The following SLC5A10 variants were observed in gnomAD, a reference collection of about 807,000 sequenced individuals.
SLC5A10 encodes the protein solute carrier family 5 member 10.
Under a neutral mutation model 68.9 loss-of-function variants are expected in SLC5A10, and 55 were observed. That is an observed-to-expected ratio of 0.80 (90% CI 0.64 to 1.00). The LOEUF is 1.00. Among genes scored for constraint, SLC5A10 ranks in the 50% least tolerant of loss-of-function variants. The probability of loss-of-function intolerance (pLI) is 0.00; values close to 1 mark genes in which losing one functional copy is unlikely to be tolerated. For missense variants in SLC5A10, 732 were observed against 819.3 expected, an observed-to-expected ratio of 0.89 and a Z score of 1.30; for synonymous variants, 344 against 344.8, an observed-to-expected ratio of 1.00 and a Z score of 0.02.
rs150430029 is a variant in SLC5A10 at position 18,997,254 on chromosome 17, G to C, written c.983-16156G>C. Among the ~76,000 whole-genome samples the C allele has an allele frequency of 6.9e-4, 105 of 152,338 alleles. 2 individuals are homozygous for C. The East Asian group carries it at 0.011, about 16-fold the overall frequency. On this transcript the variant is annotated intron_variant, in intron 9 of 14. Transcript: ENST00000395645. ...TACCCTGAGTCTCCTACCTCCCCCA[G>C]ACGGACATCAGCTTCCTGGTCATGG...
intron 5 of SLC5A10, among the ~76,000 whole-genome samples, chr17:18,964,525 G>A (rs966801749): frequency 6.6e-6 from 1 of 152,356 alleles, no homozygotes; most frequent in African/African-American, 2.4e-5. Context: ...TAGACAGGGG[G>A]TAAGGAAACA....
upstream of SLC5A10, chr17:18,952,024 T>G: frequency 4.8e-5 from 45 of 935,888 alleles, no homozygotes; most frequent in East Asian, 6.0e-5. Flanking sequence ...CACCCCACCA[T>G]GGGGTGAGGA....
intron 9 of SLC5A10, among the ~76,000 whole-genome samples, chr17:19,012,062 C>A (rs539974323): frequency 6.6e-6 from 1 of 152,110 alleles, no homozygotes; most frequent in Non-Finnish European, 1.5e-5. Context: ...TGAACTCCCC[C>A]GTAATCATCA....
intron 9 of SLC5A10, among the ~76,000 whole-genome samples, chr17:18,980,216 C>T (rs923035808): frequency 6.6e-6 from 1 of 152,170 alleles, no homozygotes; most frequent in Non-Finnish European, 1.5e-5. Context: ...CTTCTCAACA[C>T]CCCTGTCTCT....
At chr17:18,951,980 C>A, upstream of SLC5A10, 1 of 551,484 alleles carries the variant, frequency 1.8e-6, no homozygotes, top group Non-Finnish European at 2.9e-6. Flanking sequence ...ACTTGCTTCT[C>A]CCAGGCTCCC....
rs939895398 is a variant in SLC5A10 at position 18,971,930 on chromosome 17, TAATATGGG to T, written c.846+717_846+724del. Among the ~76,000 whole-genome samples, 28 of 152,288 alleles carry T rather than the reference TAATATGGG, an allele frequency of 1.8e-4. No homozygotes were observed. The highest frequency in any genetic ancestry group is 6.7e-4 in the African/African-American group (28 of 41,562). ...CTCGATGCCTCAGTTCCCCTGTCTG[TAATATGGG>T]AATAATCCTGCCCTTTGTGGGTGTA... is the stretch of plus-strand genomic sequence containing the variant. On this transcript the variant is annotated intron_variant, in intron 8 of 14. Transcript: ENST00000395645. The surrounding 1 kb of genome is among the most constrained non-coding windows in gnomAD (Gnocchi z 5.5).
At position 19,021,520 on chromosome 17, in the gene SLC5A10, G is replaced by T; in HGVS notation, c.*1089G>T. ...CTCCCAACAGCCTGAACAACTCCAG[G>T]GGCCTTTTGAGGGAGGGGCAGGCAG... On this transcript the variant is annotated 3_prime_UTR_variant, in exon 15 of 15. Coordinates refer to ENST00000395645, the MANE Select transcript of SLC5A10 (RefSeq NM_001042450.4). The surrounding 1 kb of genome is among the most constrained non-coding windows in gnomAD (Gnocchi z 4.1). 3.4e-6 allele frequency: 1 copy of T among 292,980 alleles called. No individual in the cohort carries two copies. The highest frequency in any genetic ancestry group is 6.3e-6 in the Non-Finnish European group (1 of 158,786). The allele number at this position is 292,980 out of a possible 1,614,324, so 18.1% of individuals were successfully genotyped here. A position where few individuals can be genotyped will look rare whatever the true frequency, so the allele number is the denominator to read the frequency against.
At chr17:19,016,364 T>G (rs1350814316) in intron 11 of SLC5A10, among the ~76,000 whole-genome samples, 1 of 152,242 alleles carries the variant, frequency 6.6e-6, no homozygotes, top group South Asian at 2.1e-4. Flanking sequence ...TGCCTTTACA[T>G]CCTCAGAGGT....
At chr17:18,995,217 G>A (rs999343003) in intron 9 of SLC5A10, among the ~76,000 whole-genome samples, 2 of 152,132 alleles carry the variant, frequency 1.3e-5, no homozygotes, top group Non-Finnish European at 2.9e-5. Flanking sequence ...GTTAGAACTG[G>A]CAGATAAAGA....
rs764395974 is a variant in SLC5A10 at position 18,971,525 on chromosome 17, G to A, written c.846+307G>A. On this transcript the variant is annotated intron_variant, in intron 8 of 14. Coordinates refer to ENST00000395645, the MANE Select transcript of SLC5A10 (RefSeq NM_001042450.4). The surrounding 1 kb of genome is among the most constrained non-coding windows in gnomAD (Gnocchi z 5.5). ...CTCGGTGGCCCTGCCATCGGTCATG[G>A]GGCGGGCATTTTGGGCCAGTCTTGG... 3 of 1,613,902 alleles carry A rather than the reference G, an allele frequency of 1.9e-6. No homozygotes were observed. Among genetic ancestry groups the A allele is most frequent in the Admixed American group, 3.3e-5 (2 of 60,010 alleles).
At chr17:18,998,286 A>C (rs1002705162) in intron 9 of SLC5A10, among the ~76,000 whole-genome samples, 1 of 152,182 alleles carries the variant, frequency 6.6e-6, no homozygotes, top group African/African-American at 2.4e-5. Flanking sequence ...CTGCGTCAAG[A>C]CAAGGCCTGA....
In SLC5A10 at chr17:18,969,377, C is replaced by T. The variant is rs376166750; in HGVS notation, c.595C>T (p.Gln199Ter). The change falls in exon 7 of 15, where the codon CAG (glutamine) becomes TAG (stop). Residue 199 changes from glutamine (Q) to a stop codon, truncating the protein, a stop_gained. Transcript: ENST00000395645. LOFTEE classifies it high-confidence loss of function. ...LAAVIYTDAL[Q>*]TLIMVVGAVI... Reference sequence around the variant, plus strand: ...TGCTGTAATCTACACGGACGCCCTGCAGACGCTCATCATGGTGGTGGGGGC... The same window carrying T: ...TGCTGTAATCTACACGGACGCCCTGTAGACGCTCATCATGGTGGTGGGGGC... The T allele has an allele frequency of 3.7e-5, 60 of 1,613,650 alleles. No homozygotes were observed. The highest frequency in any genetic ancestry group is 6.7e-5 in the Admixed American group (4 of 60,010).
In SLC5A10 at chr17:18,980,479, G is replaced by C. The variant is rs566621986; in HGVS notation, c.982+3490G>C. Among the ~76,000 whole-genome samples the C allele has an allele frequency of 3.3e-5, 5 of 152,266 alleles. No individual in the cohort carries two copies. In the South Asian group the frequency reaches 1.0e-3, roughly 32 times the overall value. On this transcript the variant is annotated intron_variant, in intron 9 of 14. Coordinates refer to ENST00000395645, the MANE Select transcript of SLC5A10 (RefSeq NM_001042450.4). ...GCCCCTCAACTGCCTCAGCTCCAAG[G>C]CCAGGTCGTCACCGGCCTTTTCCTG...
chr17:19,008,701 G>A (rs986337549), intron 9 of SLC5A10, among the ~76,000 whole-genome samples: 23 of 152,008 alleles, frequency 1.5e-4, no homozygotes, highest in East Asian at 1.9e-4. Flanking sequence ...GGGTTTCACC[G>A]TGTTAGCCAG....
At chr17:19,005,907 C>T (rs1370206676) in intron 9 of SLC5A10, among the ~76,000 whole-genome samples, 1 of 152,198 alleles carries the variant, frequency 6.6e-6, no homozygotes, top group African/African-American at 2.4e-5. Flanking sequence ...GGAGGTGATC[C>T]CAGCGGGGGA....
chr17:18,981,568 C>G (rs556850753), intron 9 of SLC5A10, among the ~76,000 whole-genome samples: 1 of 152,168 alleles, frequency 6.6e-6, no homozygotes, highest in Non-Finnish European at 1.5e-5. Flanking sequence ...CCATGCCATC[C>G]AGCCTCCTGC....
In SLC5A10 at chr17:18,971,612, C is replaced by G. The variant is rs766925122; in HGVS notation, c.846+394C>G. On this transcript the variant is annotated intron_variant, in intron 8 of 14. Transcript: ENST00000395645. The surrounding 1 kb of genome is among the most constrained non-coding windows in gnomAD (Gnocchi z 5.5). Reference sequence around the variant, plus strand: ...TCCCTTGGCCTGCCAGTGGTGGGGGCCAGCCATGGCTGGGCCAGCGTTTCT... The same window carrying G: ...TCCCTTGGCCTGCCAGTGGTGGGGGGCAGCCATGGCTGGGCCAGCGTTTCT... 2 of 1,613,442 alleles carry G rather than the reference C, an allele frequency of 1.2e-6. No homozygotes were observed. The highest frequency in any genetic ancestry group is 2.2e-5 in the South Asian group (2 of 91,070).
rs2044010524 is a variant in SLC5A10 at position 19,011,390 on chromosome 17, GA to G, written c.983-2016del. Among the ~76,000 whole-genome samples the G allele has an allele frequency of 2.6e-5, 4 of 152,336 alleles. No homozygotes were observed. The South Asian group carries it at 8.3e-4, about 32-fold the overall frequency. On this transcript the variant is annotated intron_variant, in intron 9 of 14. Transcript: ENST00000395645. ...GCGTCCAAGTGCTGGGTGTGTGTGA[GA>G]AAATACAAGCAGGTCAGGGTGGCTC... is the stretch of plus-strand genomic sequence containing the variant.
chr17:18,961,720 G>A (rs1019058437), intron 5 of SLC5A10, among the ~76,000 whole-genome samples: 1 of 152,088 alleles, frequency 6.6e-6, no homozygotes, highest in Non-Finnish European at 1.5e-5. Context: ...TGGGAAGAGG[G>A]CCCTAAAGGG....
Sources: allele counts gnomAD v4.1 joint callset (sites outside exome capture counted in the v4.1 genomes callset), GRCh38; gene constraint gnomAD v4.1.1; non-coding constraint Gnocchi (gnomAD v3.1); transcripts MANE v1.5; gene names NCBI Gene and HGNC (gene_info 2026-07-23, HGNC 2026-07-21).